The following SPATA6L variants were observed in gnomAD, a reference collection of about 807,000 sequenced individuals.
SPATA6L encodes the protein spermatogenesis associated 6 like.
SPATA6L carries 68 observed loss-of-function variants against 49.2 expected under a neutral mutation model. The ratio of observed to expected loss-of-function variants is 1.38; its 90% confidence interval spans 1.14 to 1.69. The LOEUF (loss-of-function observed/expected upper bound fraction) is 1.69, where lower values mean the gene tolerates loss of function less well. Ranked by LOEUF, SPATA6L falls within the 40% of genes most tolerant of loss-of-function variation. The pLI is 0.00. For missense variants in SPATA6L, 668 were observed against 464.3 expected (o/e 1.44, Z -4.03); for synonymous variants, 198 against 165.7 (o/e 1.19, Z -1.50).
chr9:4,663,338 C>T (rs1840320901), intron 1 of SPATA6L: 9 of 1,469,838 alleles, frequency 6.1e-6, no homozygotes, highest in Middle Eastern at 3.6e-4. Context: ...AACCAGCAGC[C>T]ATCCCGCTTG....
intron 9 of SPATA6L, among the ~76,000 whole-genome samples, chr9:4,616,950 C>T (rs920202953): frequency 3.3e-5 from 5 of 152,276 alleles, no homozygotes; most frequent in African/African-American, 4.8e-5. Context: ...ATCAAAAGCT[C>T]GTCATACGTT....
At chr9:4,647,708 A>G (rs1835726764) in intron 3 of SPATA6L, among the ~76,000 whole-genome samples, 1 of 152,204 alleles carries the variant, frequency 6.6e-6, no homozygotes, top group South Asian at 2.1e-4. Context: ...AAATTAAAAT[A>G]AGGACAAGAA....
downstream of SPATA6L, among the ~76,000 whole-genome samples, chr9:4,596,135 G>A (rs301445): frequency 6.6e-6 from 1 of 151,976 alleles, no homozygotes; most frequent in Admixed American, 6.6e-5. Context: ...TCTCGTTTAA[G>A]GTCTCATTGC....
intron 3 of SPATA6L, among the ~76,000 whole-genome samples, chr9:4,642,552 C>G (rs1011375014): frequency 1.3e-5 from 2 of 152,186 alleles, no homozygotes; most frequent in Non-Finnish European, 2.9e-5. Flanking sequence ...CTACAGACTC[C>G]TGGGTTCACT....
chr9:4,622,604 G>T, intron 6 of SPATA6L, 94 bp from the exon 7 acceptor site: 2 of 822,198 alleles, frequency 2.4e-6, no homozygotes, highest in Non-Finnish European at 3.9e-6. Flanking sequence ...CTCAATCACT[G>T]ATTACACGGG....
chr9:4,654,803 G>A (rs1396567062), intron 3 of SPATA6L, among the ~76,000 whole-genome samples: 2 of 152,130 alleles, frequency 1.3e-5, no homozygotes, highest in South Asian at 2.1e-4. Context: ...TAGGGTCTCC[G>A]TCTGTTACAG....
downstream of SPATA6L, among the ~76,000 whole-genome samples, chr9:4,597,100 A>T (rs1822322076): frequency 1.3e-5 from 2 of 152,118 alleles, no homozygotes; most frequent in South Asian, 4.1e-4. Flanking sequence ...TTGAGACACA[A>T]AGAGGTTAAA....
chr9:4,624,974 T>C (rs1424265225), intron 6 of SPATA6L, among the ~76,000 whole-genome samples: 2 of 152,234 alleles, frequency 1.3e-5, no homozygotes, highest in African/African-American at 4.8e-5. Context: ...TGGATTGATA[T>C]AGAGTGTGTG....
At chr9:4,629,771 A>G (rs183041927) in intron 4 of SPATA6L, among the ~76,000 whole-genome samples, 1,345 of 92,120 alleles carry the variant, frequency 0.015, 19 homozygotes, top group African/African-American at 0.053. Flanking sequence ...GTGTGTGTGT[A>G]TATATATATA....
chr9:4,606,823 G>A (rs1388331004), intron 9 of SPATA6L, among the ~76,000 whole-genome samples: 1 of 148,232 alleles, frequency 6.7e-6, no homozygotes, highest in East Asian at 2.0e-4. Flanking sequence ...AGAGAAGAAG[G>A]CTTCAGACGA....
chr9:4,628,069 G>A, intron 5 of SPATA6L: 1 of 335,084 alleles, frequency 3.0e-6, no homozygotes, highest in Non-Finnish European at 5.8e-6. Flanking sequence ...AACTCATGGA[G>A]ACAGAGAGTA....
At chr9:4,650,850 G>C (rs1836674628) in intron 3 of SPATA6L, among the ~76,000 whole-genome samples, 1 of 150,486 alleles carries the variant, frequency 6.6e-6, no homozygotes, top group Non-Finnish European at 1.5e-5. Context: ...GTGTGTGTGT[G>C]TGTGTGTGTG....
Position 4,622,609 on chromosome 9 carries a change from C to A in SPATA6L, c.670-99G>T. 2 of 806,536 alleles carry A rather than the reference C, an allele frequency of 2.5e-6. No individual in the cohort carries two copies. Among genetic ancestry groups the A allele is most frequent in the Non-Finnish European group, 4.0e-6 (2 of 503,668 alleles). The allele number at this position is 806,536 out of a possible 1,614,324, so 50.0% of individuals were successfully genotyped here. On this transcript the variant is annotated intron_variant, in intron 6 of 11. Transcript: ENST00000682582. Reference sequence around the variant, plus strand: ...CTGTCTCCCCCTCAATCACTGATTACACGGGTTGGAAAAAGAAGGCTGGAA... The same window carrying A: ...CTGTCTCCCCCTCAATCACTGATTAAACGGGTTGGAAAAAGAAGGCTGGAA...
chr9:4,604,579 A>T (rs1824247526), intron 10 of SPATA6L, among the ~76,000 whole-genome samples: 1 of 152,166 alleles, frequency 6.6e-6, no homozygotes, highest in South Asian at 2.1e-4. Flanking sequence ...TCCTTGCCTG[A>T]AAAGGTTGGG....
intron 2 of SPATA6L, among the ~76,000 whole-genome samples, chr9:4,661,608 C>G (rs926137390): frequency 6.6e-6 from 1 of 152,014 alleles, no homozygotes; most frequent in African/African-American, 2.4e-5. Context: ...ACCTCTAACA[C>G]CTCCAAAAAC....
intron 1 of SPATA6L, chr9:4,664,925 T>G (rs1199306600): frequency 1.2e-5 from 2 of 167,130 alleles, no homozygotes; most frequent in Non-Finnish European, 2.9e-5. Context: ...TCTAAGTGGT[T>G]TGGGTTTGTT....
At chr9:4,617,834 A>G in intron 9 of SPATA6L, 89 bp downstream of exon 9, 8 of 1,139,474 alleles carry the variant, frequency 7.0e-6, no homozygotes, top group Non-Finnish European at 8.5e-6. Flanking sequence ...GAATATTCCT[A>G]AGAAAGGAAG....
intron 3 of SPATA6L, among the ~76,000 whole-genome samples, chr9:4,648,724 A>AAATAAATAAATAAT (rs769508422): frequency 4.0e-5 from 6 of 149,104 alleles, no homozygotes; most frequent in Non-Finnish European, 8.9e-5. Flanking sequence ...TTAAATAAAT[A>AAATAAATAAATAAT]AATACATAAG....
chr9:4,651,749 C>G (rs1440001260), intron 3 of SPATA6L, among the ~76,000 whole-genome samples: 1 of 152,178 alleles, frequency 6.6e-6, no homozygotes, highest in Non-Finnish European at 1.5e-5. Context: ...TAAAATTCAA[C>G]ATTACTTCAT....
Sources: allele counts gnomAD v4.1 joint callset (sites outside exome capture counted in the v4.1 genomes callset), GRCh38; gene constraint gnomAD v4.1.1; transcripts MANE v1.5; gene names NCBI Gene and HGNC (gene_info 2026-07-23, HGNC 2026-07-21).